NOS3: variants seen among roughly 807,000 people sequenced by gnomAD.
NOS3 encodes NOS type III.
A neutral mutation model predicts 144.9 loss-of-function variants in NOS3; 98 were observed. The ratio of observed to expected loss-of-function variants is 0.68; its 90% confidence interval spans 0.57 to 0.80. The LOEUF (loss-of-function observed/expected upper bound fraction) is 0.80. NOS3 is among the 30% of genes least tolerant of loss of function. NOS3 has a pLI of 0.00. For synonymous variants in NOS3, 714 were observed against 702.4 expected, an observed-to-expected ratio of 1.02 and a Z score of -0.26; for missense variants, 1,465 against 1,656.4, an observed-to-expected ratio of 0.88 and a Z score of 2.01.
chr7:151,010,518 TC>T (rs1165109875), intron 21 of NOS3, 78 bp from the exon 22 acceptor site: 1 of 1,368,036 alleles, frequency 7.3e-7, no homozygotes, highest in Non-Finnish European at 9.9e-7. Context: ...CTAAAGAGGC[TC>T]AGTGGGGGAG....
rs1283506038 is a variant in NOS3 at position 151,008,069 on chromosome 7, G to T, written c.2112+793G>T. Among the ~76,000 whole-genome samples, 4 of 152,226 alleles carry T rather than the reference G, an allele frequency of 2.6e-5. No individual in the cohort carries two copies. In the East Asian group the frequency reaches 7.7e-4, roughly 29 times the overall value. Reference sequence around the variant, plus strand: ...AAGGGAACGGAAAATAAGACTTAAAGAATTTAAACAAAAAGAGCCATTGCA... The same window carrying T: ...AAGGGAACGGAAAATAAGACTTAAATAATTTAAACAAAAAGAGCCATTGCA... On this transcript the variant is annotated intron_variant, in intron 17 of 26. Transcript: ENST00000297494.
At position 150,998,291 on chromosome 7, in the gene NOS3, G is replaced by T; in HGVS notation, c.583-66G>T. Reference sequence around the variant, plus strand: ...TGCCTCCTCACCAGCAGCTCCTCTGGAGCTGATACTCAAGACCCCCCGTCT... The same window carrying T: ...TGCCTCCTCACCAGCAGCTCCTCTGTAGCTGATACTCAAGACCCCCCGTCT... On this transcript the variant is annotated intron_variant, in intron 5 of 26. Coordinates refer to ENST00000297494, the MANE Select transcript of NOS3 (RefSeq NM_000603.5). This position sits in a 1 kb window ranked among gnomAD's most constrained non-coding sequence, Gnocchi z 5.0. 1.4e-6 allele frequency: 2 copies of T among 1,448,846 alleles called. No homozygotes were observed. Among genetic ancestry groups the T allele is most frequent in the Admixed American group, 1.9e-5 (1 of 52,336 alleles). 89.7% of individuals were successfully genotyped at this position (1,448,846 alleles called of 1,614,324 possible). A position where few individuals can be genotyped will look rare whatever the true frequency, so the allele number is the denominator to read the frequency against.
chr7:151,014,301 C>A lies in NOS3; in HGVS notation c.*132C>A. The A allele has an allele frequency of 2.1e-6, 2 of 960,566 alleles. No individual in the cohort carries two copies. Among genetic ancestry groups the A allele is most frequent in the Non-Finnish European group, 3.0e-6 (2 of 665,318 alleles). The allele number at this position is 960,566 out of a possible 1,614,324, so 59.5% of individuals were successfully genotyped here. On this transcript the variant is annotated 3_prime_UTR_variant, in exon 27 of 27. Coordinates refer to ENST00000297494, the MANE Select transcript of NOS3 (RefSeq NM_000603.5). ...CATCTGTCCAGAGGCTGCAAGGATTCAGCATTATTCCTCCAGGAAGGAGCA... is the reference window on the plus strand; with the variant it reads ...CATCTGTCCAGAGGCTGCAAGGATTAAGCATTATTCCTCCAGGAAGGAGCA...
chr7:151,007,081 C>T (rs957087413), intron 16 of NOS3, 21 bp from the exon 17 acceptor site: 6 of 1,614,112 alleles, frequency 3.7e-6, no homozygotes, highest in Non-Finnish European at 5.1e-6. Flanking sequence ...GGGAGCTCCA[C>T]TGACGACCCC....
At position 151,000,725 on chromosome 7, in the gene NOS3, T is replaced by A. The variant is rs557531513; in HGVS notation, c.1233+126T>A. 11 of 672,554 alleles carry A rather than the reference T, an allele frequency of 1.6e-5. No individual in the cohort carries two copies. In the East Asian group the frequency reaches 3.0e-4, roughly 18 times the overall value. 41.7% of individuals were successfully genotyped at this position (672,554 alleles called of 1,614,324 possible). On this transcript the variant is annotated intron_variant, in intron 10 of 26. Coordinates refer to ENST00000297494, the MANE Select transcript of NOS3 (RefSeq NM_000603.5). ...ATTTGGACAGGCAGAAGAAGTTCCG[T>A]AGTCCCAGTGCCATGGCGCACACTG...
rs1184231858 is a variant in NOS3 at position 151,010,138 on chromosome 7, C to T, written c.2536C>T (p.Arg846Trp). The change falls in exon 21 of 27, where the codon CGG (arginine) becomes TGG (tryptophan). Residue 846 changes from arginine (R) to tryptophan (W), a missense_variant. By Grantham distance (101) the Arg-to-Trp change is moderately radical. Coordinates refer to ENST00000297494, the MANE Select transcript of NOS3 (RefSeq NM_000603.5). Reference sequence around the variant, plus strand: ...AGGTGGCCCTCCCCCCGGCTGGGTGCGGGACCCCCGGCTGCCCCCGTGCAC... The same window carrying T: ...AGGTGGCCCTCCCCCCGGCTGGGTGTGGGACCCCCGGCTGCCCCCGTGCAC... ...SPGGPPPGWVRDPRLPPCTLR... is the reference protein window; with the variant it reads ...SPGGPPPGWVWDPRLPPCTLR... 3 of 1,605,256 alleles carry T rather than the reference C, an allele frequency of 1.9e-6. No homozygotes were observed. Among genetic ancestry groups the T allele is most frequent in the Non-Finnish European group, 2.6e-6 (3 of 1,175,892 alleles).
At chr7:150,997,794 C>T (rs941510254) in intron 5 of NOS3, among the ~76,000 whole-genome samples, 1 of 152,194 alleles carries the variant, frequency 6.6e-6, no homozygotes, top group African/African-American at 2.4e-5. Flanking sequence ...CTCCCTTGAC[C>T]CCAGGTTGGT....
At chr7:151,012,790 G>A (rs917333045) in intron 24 of NOS3, 6 of 340,916 alleles carry the variant, frequency 1.8e-5, no homozygotes, top group Middle Eastern at 8.3e-4. Flanking sequence ...AGAGCTGACC[G>A]AGGTCTGTCC....
chr7:150,992,235 G>A (rs1463533915), intron 1 of NOS3, among the ~76,000 whole-genome samples: 2 of 151,974 alleles, frequency 1.3e-5, no homozygotes, highest in Non-Finnish European at 2.9e-5. Flanking sequence ...TCCATTAACT[G>A]GGACCTAGGA....
Position 151,014,057 on chromosome 7 carries a change from A to G in NOS3, c.3500A>G (p.Gln1167Arg), listed in dbSNP as rs1244061673. 2.5e-6 allele frequency: 4 copies of G among 1,613,644 alleles called. No homozygotes were observed. Among genetic ancestry groups the G allele is most frequent in the East Asian group, 2.2e-5 (1 of 44,892 alleles). The change falls in exon 27 of 27, where the codon CAG becomes CGG. Residue 1167 changes from glutamine (Q) to arginine (R), a missense_variant. Around this residue, in one of 5 missense-constraint regions of NOS3, gnomAD observed 228 missense variants for 227.7 expected, o/e 1.00. Transcript: ENST00000297494. ...ATTTTCGGGCTCACGCTGCGCACCC[A>G]GGAGGTGACAAGCCGCATACGCACC... is the stretch of plus-strand genomic sequence containing the variant. ...EDIFGLTLRT[Q>R]EVTSRIRTQS...
chr7:151,008,830 C>T, intron 17 of NOS3, 100 bp from the exon 18 acceptor site: 2 of 1,363,298 alleles, frequency 1.5e-6, no homozygotes, highest in Non-Finnish European at 1.9e-6. Context: ...CTGGGGCTGC[C>T]AACCCCCCAG....
chr7:151,005,522 G>A (rs1466653902), intron 14 of NOS3, among the ~76,000 whole-genome samples: 2 of 152,172 alleles, frequency 1.3e-5, no homozygotes, highest in African/African-American at 4.8e-5. Context: ...ACTAAAACAG[G>A]AAAGATTTTG....
rs372656070 is a variant in NOS3 at position 151,013,338 on chromosome 7, C to A, written c.3214C>A (p.Arg1072=). Residue 1072 remains arginine, a synonymous_variant, in exon 25 of 27, where the codon CGA becomes AGA. Coordinates refer to ENST00000297494, the MANE Select transcript of NOS3 (RefSeq NM_000603.5). Reference sequence around the variant, plus strand: ...CGCCCAGCAGCGCGGGGTGTTTGGCCGAGTCCTCACCGCCTTCTCCCGGGA... The same window carrying A: ...CGCCCAGCAGCGCGGGGTGTTTGGCAGAGTCCTCACCGCCTTCTCCCGGGA... ...QNAQQRGVFG[R]VLTAFSREPD... 9.9e-6 allele frequency: 16 copies of A among 1,613,864 alleles called. No individual in the cohort carries two copies. Among genetic ancestry groups the A allele is most frequent in the African/African-American group, 5.3e-5 (4 of 75,044 alleles).
Position 150,998,701 on chromosome 7 carries a change from A to C in NOS3, c.816+21A>C, listed in dbSNP as rs1157908415. 5 of 1,595,064 alleles carry C rather than the reference A, an allele frequency of 3.1e-6. No homozygotes were observed. The highest frequency in any genetic ancestry group is 2.6e-6 in the Non-Finnish European group (3 of 1,172,142). On this transcript the variant is annotated intron_variant, in intron 7 of 26. Coordinates refer to ENST00000297494, the MANE Select transcript of NOS3 (RefSeq NM_000603.5). The surrounding 1 kb of genome is among the most constrained non-coding windows in gnomAD (Gnocchi z 5.0). Reference sequence around the variant, plus strand: ...CCGAGGTGGGCACCGAGGGCCACCCATGAGGGTGTCCCCAAGGTGGAGAAT... The same window carrying C: ...CCGAGGTGGGCACCGAGGGCCACCCCTGAGGGTGTCCCCAAGGTGGAGAAT...
At chr7:151,006,131 A>T (rs1795203216) in intron 14 of NOS3, among the ~76,000 whole-genome samples, 1 of 146,430 alleles carries the variant, frequency 6.8e-6, no homozygotes, top group South Asian at 2.1e-4. Flanking sequence ...ACTTTTACTT[A>T]AAAAAAAACT....
At position 151,002,108 on chromosome 7, in the gene NOS3, G is replaced by T; in HGVS notation, c.1648-92G>T. ...ACAGGTGTTCAGAGATCAAGTTGGG[G>T]CCTGAATCTTGCACTGCCAGGGAGG... On this transcript the variant is annotated intron_variant, in intron 13 of 26. Coordinates refer to ENST00000297494, the MANE Select transcript of NOS3 (RefSeq NM_000603.5). The surrounding 1 kb of genome is among the most constrained non-coding windows in gnomAD (Gnocchi z 4.1). The T allele has an allele frequency of 1.4e-6, 2 of 1,411,324 alleles. No homozygotes were observed. Among genetic ancestry groups the T allele is most frequent in the Non-Finnish European group, 2.0e-6 (2 of 1,019,704 alleles). The allele number at this position is 1,411,324 out of a possible 1,614,324, so 87.4% of individuals were successfully genotyped here.
At chr7:151,009,640 C>T in intron 20 of NOS3, 55 bp downstream of exon 20, 2 of 1,422,628 alleles carry the variant, frequency 1.4e-6, no homozygotes, top group Non-Finnish European at 1.9e-6. Context: ...CCAGCCCCAC[C>T]CCCGGCCCCA....
intron 24 of NOS3, chr7:151,012,986 C>G (rs1276913918): frequency 1.3e-5 from 7 of 526,102 alleles, no homozygotes; most frequent in Non-Finnish European, 2.3e-5. Context: ...TCCGAAGCCG[C>G]GCATTCTAGC....
chr7:150,996,398 A>C lies in NOS3; in HGVS notation c.271-6A>C, dbSNP rs770170511. On this transcript the variant is annotated splice_region_variant and splice_polypyrimidine_tract_variant and intron_variant, in intron 3 of 26. Coordinates refer to ENST00000297494, the MANE Select transcript of NOS3 (RefSeq NM_000603.5). ...CTGTCCTGACCTTTGCACTCCCTCG[A>C]CCCAGGATGGGCCCTGCACCCCAAG... is the stretch of plus-strand genomic sequence containing the variant. The C allele has an allele frequency of 7.3e-7, 1 of 1,372,454 alleles. No homozygotes were observed. The highest frequency in any genetic ancestry group is 1.2e-5 in the South Asian group (1 of 80,386). 85.0% of individuals were successfully genotyped at this position (1,372,454 alleles called of 1,614,324 possible).
Sources: allele counts gnomAD v4.1 joint callset (sites outside exome capture counted in the v4.1 genomes callset), GRCh38; gene constraint gnomAD v4.1.1; regional missense constraint gnomAD v4.1.1; non-coding constraint Gnocchi (gnomAD v3.1); transcripts MANE v1.5; gene names NCBI Gene and HGNC (gene_info 2026-07-23, HGNC 2026-07-21).